Variants in DOCK8 observed in about 807,000 individuals in gnomAD.
The protein encoded by DOCK8 is dedicator of cytokinesis 8.
Under a neutral mutation model 245.6 loss-of-function variants are expected in DOCK8, and 141 were observed. That is an observed-to-expected ratio of 0.57 (90% CI 0.50 to 0.66). The LOEUF (loss-of-function observed/expected upper bound fraction) is 0.66. DOCK8 is among the 30% of genes least tolerant of loss of function. DOCK8 has a pLI of 0.00. For missense variants in DOCK8, 2,965 were observed against 2,603.4 expected (o/e 1.14, Z -3.02); for synonymous variants, 1,168 against 970.2 (o/e 1.20, Z -3.79).
rs1356649745 is a variant in DOCK8 at position 261,991 on chromosome 9, A to AGG, written c.54-9636_54-9635insGG. 1.6e-4 allele frequency among the ~76,000 whole-genome samples: 18 copies of AGG among 115,506 alleles called. No individual in the cohort carries two copies. In the Admixed American group the frequency reaches 1.6e-3, roughly 10 times the overall value. The allele number at this position is 115,506 out of a possible 152,430, so 75.8% of individuals were successfully genotyped here. On this transcript the variant is annotated intron_variant, in intron 1 of 47. Transcript: ENST00000432829. ...CTTATATTTAAAATGTGTCAAAAGA[A>AGG]AGAAGGAGAAAGAAAGAAAGAAAGA... is the stretch of plus-strand genomic sequence containing the variant.
intron 2 of DOCK8, among the ~76,000 whole-genome samples, chr9:282,682 C>T (rs540751107): frequency 1.6e-4 from 24 of 152,210 alleles, no homozygotes; most frequent in Non-Finnish European, 2.9e-4. Context: ...GTTGGCCTCC[C>T]GAAGTGCTGG....
intron 1 of DOCK8, among the ~76,000 whole-genome samples, chr9:257,216 A>T (rs1477879516): frequency 1.3e-5 from 2 of 152,224 alleles, no homozygotes; most frequent in African/African-American, 2.4e-5. Flanking sequence ...ATTTGAGGGC[A>T]CATTAACTAT....
chr9:366,537 G>A (rs1376556487), intron 14 of DOCK8: 1 of 152,172 alleles, frequency 6.6e-6, no homozygotes, highest in Non-Finnish European at 1.5e-5. Flanking sequence ...GATGTGGGAT[G>A]TTCTTCTGTG....
At chr9:382,887 G>C (rs1044371641) in intron 22 of DOCK8, among the ~76,000 whole-genome samples, 1 of 152,020 alleles carries the variant, frequency 6.6e-6, no homozygotes, top group African/African-American at 2.4e-5. Context: ...CAGCATCTGA[G>C]GATTTGCTGA....
rs746462558 is a variant in DOCK8, at chr9:368,149, C to G, written c.1797+14C>G. 2 of 1,603,296 alleles carry G rather than the reference C, an allele frequency of 1.2e-6. No individual in the cohort carries two copies. The highest frequency in any genetic ancestry group is 1.7e-4 in the Middle Eastern group (1 of 6,050). ...AATGCGATGCCGGTAAGGAGGGAAA[C>G]GAACATTTGCCTCAAATCAGGGTGG... On this transcript the variant is annotated intron_variant, in intron 15 of 47. Transcript: ENST00000432829.
intron 14 of DOCK8, 68 bp downstream of exon 14, chr9:340,389 G>A (rs2051525782): frequency 6.3e-7 from 1 of 1,596,848 alleles, no homozygotes; most frequent in South Asian, 1.1e-5. Flanking sequence ...GGGAGGCCGA[G>A]GCAGGAGGAT....
chr9:419,748 C>T (rs2056195901), intron 30 of DOCK8, among the ~76,000 whole-genome samples: 1 of 152,156 alleles, frequency 6.6e-6, no homozygotes, highest in Non-Finnish European at 1.5e-5. Flanking sequence ...GTGCGCTCAG[C>T]ACTTTAAAAT....
chr9:302,989 A>AAAAAAG (rs1257946008), intron 4 of DOCK8, among the ~76,000 whole-genome samples: 3 of 151,890 alleles, frequency 2.0e-5, no homozygotes, highest in Admixed American at 6.6e-5. Flanking sequence ...AATGGAAAAA[A>AAAAAAG]AAAAAGAAAA....
chr9:453,960 C>G (rs1330370355), intron 46 of DOCK8, among the ~76,000 whole-genome samples: 1 of 152,186 alleles, frequency 6.6e-6, no homozygotes, highest in Non-Finnish European at 1.5e-5. Flanking sequence ...TATGGGACTA[C>G]AGAGATCTGG....
At chr9:248,000 A>T (rs2047547863) in intron 1 of DOCK8, among the ~76,000 whole-genome samples, 1 of 152,102 alleles carries the variant, frequency 6.6e-6, no homozygotes, top group African/African-American at 2.4e-5. Context: ...AAAAAAAGAA[A>T]CAAAGTTGAG....
intron 1 of DOCK8, among the ~76,000 whole-genome samples, chr9:234,750 G>A (rs1324323963): frequency 6.6e-6 from 1 of 151,978 alleles, no homozygotes. Flanking sequence ...AGCTCCATCA[G>A]GTCCTTTTAG....
chr9:442,058 A>G (rs1336135279), intron 42 of DOCK8, 49 bp downstream of exon 42: 1 of 1,609,926 alleles, frequency 6.2e-7, no homozygotes, highest in African/African-American at 1.3e-5. Context: ...TTACAAAAAC[A>G]AGTTAGAGTG....
intron 5 of DOCK8, among the ~76,000 whole-genome samples, chr9:306,611 T>TA (rs2049841655): frequency 6.6e-6 from 1 of 152,212 alleles, no homozygotes; most frequent in Admixed American, 6.5e-5. Context: ...GGCTGGGGTA[T>TA]ACGGCAGTGG....
chr9:261,085 CAA>C (rs546281564), intron 1 of DOCK8, among the ~76,000 whole-genome samples: 11 of 62,114 alleles, frequency 1.8e-4, no homozygotes, highest in Admixed American at 1.8e-4. Context: ...GACTCCGTCT[CAA>C]AAAAAAAAAA....
intron 20 of DOCK8, 23 bp downstream of exon 20, chr9:377,234 T>A: frequency 6.4e-7 from 1 of 1,552,252 alleles, no homozygotes; most frequent in Non-Finnish European, 8.7e-7. Context: ...AGGGCTGGGC[T>A]GGGAGGAGGC....
intron 19 of DOCK8, 80 bp downstream of exon 19, chr9:376,385 G>A: frequency 2.0e-6 from 2 of 1,000,810 alleles, no homozygotes; most frequent in Non-Finnish European, 3.2e-6. Flanking sequence ...AAAGATCAGT[G>A]AAAATCCTTG....
chr9:224,007 T>C (rs745951441), intron 1 of DOCK8, among the ~76,000 whole-genome samples: 7 of 152,152 alleles, frequency 4.6e-5, no homozygotes, highest in Admixed American at 1.3e-4. Context: ...GAGTTAAAGA[T>C]AACATATAGC....
intron 26 of DOCK8, among the ~76,000 whole-genome samples, 193 bp from the exon 27 acceptor site, chr9:404,724 AG>A (rs1273973844): frequency 2.6e-5 from 4 of 152,212 alleles, no homozygotes; most frequent in African/African-American, 9.7e-5. Context: ...AGAATCACTA[AG>A]GGGAACAGTA....
In DOCK8 at chr9:377,160, G is replaced by A; in HGVS notation, c.2389G>A (p.Asp797Asn). The A allele has an allele frequency of 6.2e-7, 1 of 1,605,358 alleles. No individual in the cohort carries two copies. The highest frequency in any genetic ancestry group is 8.5e-7 in the Non-Finnish European group (1 of 1,179,670). The change falls in exon 20 of 48, where the codon GAC becomes AAC. Residue 797 changes from aspartate to asparagine, a missense_variant. By Grantham distance (23) the Asp-to-Asn change is conservative. Coordinates refer to ENST00000432829, the MANE Select transcript of DOCK8 (RefSeq NM_203447.4). ...CGTGCTCTTCCTGCACCTGGTGCTG[G>A]ACAAGCTCTTCCAGCTGTCCGTGCA... ...PLVLFLHLVLDKLFQLSVQPM... is the reference protein window; with the variant it reads ...PLVLFLHLVLNKLFQLSVQPM...
Sources: allele counts gnomAD v4.1 joint callset (sites outside exome capture counted in the v4.1 genomes callset), GRCh38; gene constraint gnomAD v4.1.1; transcripts MANE v1.5; gene names NCBI Gene and HGNC (gene_info 2026-07-23, HGNC 2026-07-21).